ATP9B: variants seen among roughly 807,000 people sequenced by gnomAD.
ATP9B encodes probable phospholipid-transporting ATPase IIB.
ATP9B carries 110 observed loss-of-function variants against 146.1 expected under a neutral mutation model. That is an observed-to-expected ratio of 0.75 (90% CI 0.65 to 0.88). ATP9B has a LOEUF of 0.88. Ranked by LOEUF, ATP9B falls within the 40% of genes least tolerant of loss-of-function variation. ATP9B has a pLI of 0.00. For synonymous variants in ATP9B, 604 were observed against 569.7 expected, an observed-to-expected ratio of 1.06 and a Z score of -0.86; for missense variants, 1,499 against 1,496.4, an observed-to-expected ratio of 1.00 and a Z score of -0.03.
chr18:79,314,199 T>A (rs780626253), intron 15 of ATP9B, among the ~76,000 whole-genome samples: 9 of 152,244 alleles, frequency 5.9e-5, no homozygotes, highest in Non-Finnish European at 8.8e-5. Context: ...TTGAGAGACT[T>A]AACTAGTTTC....
chr18:79,284,041 C>A (rs552456005), intron 13 of ATP9B, among the ~76,000 whole-genome samples: 1 of 152,136 alleles, frequency 6.6e-6, no homozygotes. Context: ...TTAATTATAG[C>A]ATCCATTACC....
In ATP9B at chr18:79,096,563, C is replaced by T; in HGVS notation, c.207C>T (p.Tyr69=). 6.2e-7 allele frequency: 1 copy of T among 1,613,916 alleles called. No homozygotes were observed. ...GCTTTGAGAATGAGGAAAGTGATTA[C>T]CACACCTTACCACGAGCCAGGATAA... The part of the protein sequence containing the change: ...EEGFENEESD[Y]HTLPRARIMQ... The change falls in exon 2 of 30, where the codon TAC becomes TAT. Residue 69 remains tyrosine (Y), a synonymous_variant. Coordinates refer to ENST00000426216, the MANE Select transcript of ATP9B (RefSeq NM_198531.5).
chr18:79,103,406 T>C (rs962758471), intron 2 of ATP9B, among the ~76,000 whole-genome samples: 2 of 152,122 alleles, frequency 1.3e-5, no homozygotes, highest in African/African-American at 4.8e-5. Context: ...TCCTTATCAT[T>C]GTGGTGATCG....
chr18:79,160,561 A>T (rs2094862743), intron 7 of ATP9B, among the ~76,000 whole-genome samples: 2 of 152,240 alleles, frequency 1.3e-5, no homozygotes, highest in Non-Finnish European at 2.9e-5. Flanking sequence ...ATATGAAAAC[A>T]GTTTTGGGTA....
intron 6 of ATP9B, among the ~76,000 whole-genome samples, chr18:79,149,357 A>G (rs528927043): frequency 6.6e-6 from 1 of 152,280 alleles, no homozygotes; most frequent in African/African-American, 2.4e-5. Context: ...AGAATTAGAC[A>G]AAGGTGTGAA....
intron 9 of ATP9B, among the ~76,000 whole-genome samples, chr18:79,197,795 A>G (rs1442093433): frequency 1.3e-5 from 2 of 152,212 alleles, no homozygotes; most frequent in Non-Finnish European, 2.9e-5. Flanking sequence ...TCAGTAATTA[A>G]ACGTCTCTGC....
In ATP9B at chr18:79,163,867, T is replaced by TAC. The variant is rs1491204627; in HGVS notation, c.778+9313_778+9314insCA. 1.4e-4 allele frequency among the ~76,000 whole-genome samples: 11 copies of TAC among 77,778 alleles called. No individual in the cohort carries two copies. In the South Asian group the frequency reaches 1.9e-3, roughly 13 times the overall value. The allele number at this position is 77,778 out of a possible 152,430, so 51.0% of individuals were successfully genotyped here. ...TATATTTTATTTTCATATTTTATTT[T>TAC]ATACACACACACACACACACACACA... is the stretch of plus-strand genomic sequence containing the variant. On this transcript the variant is annotated intron_variant, in intron 7 of 29. Coordinates refer to ENST00000426216, the MANE Select transcript of ATP9B (RefSeq NM_198531.5).
chr18:79,137,780 T>C (rs113929684), intron 5 of ATP9B, among the ~76,000 whole-genome samples: 1,679 of 152,266 alleles, frequency 0.011, 40 homozygotes, highest in African/African-American at 0.039. Context: ...CTAGGCGTCC[T>C]CTCCTAACCC....
chr18:79,234,573 CTTG>C (rs1484582143), intron 11 of ATP9B, among the ~76,000 whole-genome samples: 6 of 146,484 alleles, frequency 4.1e-5, no homozygotes, highest in African/African-American at 1.2e-4. Flanking sequence ...CTGCTGTGGG[CTTG>C]CTTGCTGTGG....
chr18:79,185,720 A>AAT (rs2095301883), intron 8 of ATP9B, among the ~76,000 whole-genome samples: 2 of 152,192 alleles, frequency 1.3e-5, no homozygotes, highest in African/African-American at 2.4e-5. Context: ...TTTTTCATGT[A>AAT]ATAGCTTATG....
intron 11 of ATP9B, among the ~76,000 whole-genome samples, chr18:79,228,173 A>C (rs539916323): frequency 3.9e-5 from 6 of 152,334 alleles, no homozygotes; most frequent in African/African-American, 1.4e-4. Flanking sequence ...ATTTAAGAGA[A>C]ATTATCATCA....
chr18:79,314,280 G>A lies in ATP9B; in HGVS notation c.1773+7046G>A, dbSNP rs947550298. ...GCTGTGTCATCTCGGTCTTTAGGAAGGATGCAGTTTAGTAAGTAGAGTGCC... is the reference window on the plus strand; with the variant it reads ...GCTGTGTCATCTCGGTCTTTAGGAAAGATGCAGTTTAGTAAGTAGAGTGCC... On this transcript the variant is annotated intron_variant, in intron 15 of 29. Coordinates refer to ENST00000426216, the MANE Select transcript of ATP9B (RefSeq NM_198531.5). 2.6e-5 allele frequency among the ~76,000 whole-genome samples: 4 copies of A among 152,264 alleles called. No individual in the cohort carries two copies. The South Asian group carries it at 6.2e-4, about 24-fold the overall frequency.
chr18:79,071,216 TC>T (rs1301598803), intron 1 of ATP9B, among the ~76,000 whole-genome samples: 1 of 151,556 alleles, frequency 6.6e-6, no homozygotes, highest in Non-Finnish European at 1.5e-5. Flanking sequence ...TTTCACCACT[TC>T]CAGTCAAGTG....
chr18:79,308,717 G>A (rs1277574124), intron 15 of ATP9B, among the ~76,000 whole-genome samples: 1 of 131,408 alleles, frequency 7.6e-6, no homozygotes, highest in Non-Finnish European at 1.6e-5. Flanking sequence ...GGGTGGTGGA[G>A]TGATCCCCAG....
rs544991821 is a variant in ATP9B at position 79,102,416 on chromosome 18, G to A, written c.293+5767G>A. ...TTGAAGTTCATTTTTTAGCCAGTGC[G>A]TATCCAAATATTCTAATACCACTTG... On this transcript the variant is annotated intron_variant, in intron 2 of 29. Transcript: ENST00000426216. Among the ~76,000 whole-genome samples the A allele has an allele frequency of 7.7e-4, 117 of 152,214 alleles. 1 individual carries two copies. Among genetic ancestry groups the A allele is most frequent in the African/African-American group, 2.8e-3 (115 of 41,524 alleles).
intron 11 of ATP9B, among the ~76,000 whole-genome samples, chr18:79,229,675 T>G (rs77829570): frequency 0.032 from 4,908 of 152,332 alleles, 119 homozygotes; most frequent in Non-Finnish European, 0.042. Context: ...TGTTTCTAGA[T>G]GCAAGAAGAA....
At chr18:79,366,099 G>A (rs7240019) in intron 26 of ATP9B, among the ~76,000 whole-genome samples, 39,359 of 152,208 alleles carry the variant, frequency 0.26, 5,891 homozygotes, top group African/African-American at 0.42. Flanking sequence ...TTGAAAGCTG[G>A]TATTGATTCT....
intron 4 of ATP9B, chr18:79,118,031 A>G (rs1047339275): frequency 3.9e-5 from 6 of 152,340 alleles, no homozygotes; most frequent in Admixed American, 1.3e-4. Flanking sequence ...ATCAACACAT[A>G]TATCTACTTC....
chr18:79,183,715 A>T (rs2095275288), intron 8 of ATP9B, among the ~76,000 whole-genome samples: 1 of 151,472 alleles, frequency 6.6e-6, no homozygotes, highest in African/African-American at 2.4e-5. Context: ...AATTAGTTTT[A>T]AAATAATTCC....
Sources: gnomAD v4.1 joint callset for allele counts (sites outside exome capture counted in the v4.1 genomes callset) on GRCh38, gnomAD v4.1.1 for gene constraint, MANE v1.5 for transcripts, NCBI Gene and HGNC (gene_info 2026-07-23, HGNC 2026-07-21) for gene names.